Variants in THEMIS observed in about 807,000 individuals in gnomAD.
THEMIS encodes the protein protein THEMIS.
A neutral mutation model predicts 52.6 loss-of-function variants in THEMIS; 37 were observed. That is an observed-to-expected ratio of 0.70 (90% confidence interval 0.54 to 0.93). The LOEUF (loss-of-function observed/expected upper bound fraction) is 0.93, where lower values mean the gene tolerates loss of function less well. THEMIS is among the 40% of genes least tolerant of loss of function. The pLI is 0.00. For missense variants in THEMIS, 808 were observed against 763.1 expected, an observed-to-expected ratio of 1.06 and a Z score of -0.69; for synonymous variants, 292 against 272.7, an observed-to-expected ratio of 1.07 and a Z score of -0.70.
chr6:127,762,754 A>T (rs1352201077), intron 4 of THEMIS, among the ~76,000 whole-genome samples: 2 of 152,086 alleles, frequency 1.3e-5, no homozygotes, highest in Admixed American at 1.3e-4. Context: ...TGCACTGAAA[A>T]CTATAATTAG....
chr6:127,911,356 T>G (rs1380595564), intron 1 of THEMIS, among the ~76,000 whole-genome samples: 2 of 150,688 alleles, frequency 1.3e-5, no homozygotes, highest in African/African-American at 5.0e-5. Context: ...CTTCATTTAT[T>G]TATTTATTTA....
Position 127,854,990 on chromosome 6 carries a change from T to C in THEMIS, c.250+40A>G, listed in dbSNP as rs781484670. ...GTGTATATATACATATTAATAACAA[T>C]ATAGTTGTACAAATGATAAGTGGTT... On this transcript the variant is annotated intron_variant, in intron 2 of 5. Coordinates refer to ENST00000368248, the MANE Select transcript of THEMIS (RefSeq NM_001010923.3). 7.1e-6 allele frequency: 11 copies of C among 1,546,764 alleles called. No homozygotes were observed. In the East Asian group the frequency reaches 1.8e-4, roughly 26 times the overall value.
intron 2 of THEMIS, among the ~76,000 whole-genome samples, chr6:127,836,866 A>G (rs117329870): frequency 6.6e-6 from 1 of 152,082 alleles, no homozygotes; most frequent in Non-Finnish European, 1.5e-5. Flanking sequence ...TTGACCTGGT[A>G]CCTGGTCAGC....
chr6:127,854,538 G>C (rs757450616), intron 2 of THEMIS, among the ~76,000 whole-genome samples: 18 of 151,702 alleles, frequency 1.2e-4, no homozygotes, highest in Non-Finnish European at 2.5e-4. Flanking sequence ...CATGATATTT[G>C]AGCTAGTTTT....
chr6:127,706,463 A>T (rs1020548301), downstream of THEMIS, among the ~76,000 whole-genome samples: 5 of 152,088 alleles, frequency 3.3e-5, no homozygotes, highest in African/African-American at 1.2e-4. Context: ...GAGTTCTCAT[A>T]TTCCTAACTT....
intron 4 of THEMIS, among the ~76,000 whole-genome samples, chr6:127,769,352 GTT>G (rs200806423): frequency 1.4e-5 from 2 of 139,980 alleles, no homozygotes; most frequent in Admixed American, 7.2e-5. Flanking sequence ...GTTTTTTTTT[GTT>G]TTTTTTTTTT....
chr6:127,704,943 G>C (rs987953787), downstream of THEMIS, among the ~76,000 whole-genome samples: 2 of 152,218 alleles, frequency 1.3e-5, no homozygotes, highest in Non-Finnish European at 2.9e-5. Context: ...TGTTGCACTA[G>C]AGCCTCACTT....
chr6:127,907,262 G>A (rs1177376578), intron 1 of THEMIS, among the ~76,000 whole-genome samples: 1 of 147,512 alleles, frequency 6.8e-6, no homozygotes, highest in Admixed American at 6.8e-5. Context: ...GTCATTGAAA[G>A]GTTTACAGCA....
chr6:127,902,333 A>AAAT (rs1275057371), upstream of THEMIS, among the ~76,000 whole-genome samples: 2 of 149,810 alleles, frequency 1.3e-5, no homozygotes, highest in East Asian at 1.9e-4. Flanking sequence ...TCAAAAAAAA[A>AAAT]AAAAAAAAAA....
At position 127,757,513 on chromosome 6, in the gene THEMIS, C is replaced by T. The variant is rs550146501; in HGVS notation, c.1759-37690G>A. On this transcript the variant is annotated intron_variant, in intron 4 of 5. Coordinates refer to ENST00000368248, the MANE Select transcript of THEMIS (RefSeq NM_001010923.3). ...TTTTTTCTTTTTTGAGACGGAGTCT[C>T]GCTTTGTCGCCCAGGCTGGAGTGCA... 1.1e-3 allele frequency among the ~76,000 whole-genome samples: 166 copies of T among 151,468 alleles called. 1 individual carries two copies. Among genetic ancestry groups the T allele is most frequent in the African/African-American group, 3.8e-3 (157 of 41,260 alleles).
At chr6:127,872,845 A>G (rs2114390722) in intron 1 of THEMIS, among the ~76,000 whole-genome samples, 1 of 152,272 alleles carries the variant, frequency 6.6e-6, no homozygotes, top group African/African-American at 2.4e-5. Context: ...AAAAAATAAA[A>G]CAGTCCCTGT....
Position 127,767,620 on chromosome 6 carries a change from G to T in THEMIS, c.1758+45263C>A, listed in dbSNP as rs541007588. On this transcript the variant is annotated intron_variant, in intron 4 of 5. Transcript: ENST00000368248. Reference sequence around the variant, plus strand: ...CAACTCCTTTGGTAACAATGCCTTTGTTTGGAATACTTCCAAAAGGACCTA... The same window carrying T: ...CAACTCCTTTGGTAACAATGCCTTTTTTTGGAATACTTCCAAAAGGACCTA... 1.4e-4 allele frequency among the ~76,000 whole-genome samples: 22 copies of T among 152,048 alleles called. 1 individual carries two copies. In the East Asian group the frequency reaches 3.7e-3, roughly 25 times the overall value.
At chr6:127,761,607 T>C (rs1448667400) in intron 4 of THEMIS, among the ~76,000 whole-genome samples, 2 of 152,146 alleles carry the variant, frequency 1.3e-5, no homozygotes, top group Non-Finnish European at 1.5e-5. Context: ...ACCCCTGCTA[T>C]ACAGGACCTG....
upstream of THEMIS, among the ~76,000 whole-genome samples, chr6:127,902,337 A>AAT (rs1554248902): frequency 3.8e-4 from 56 of 148,066 alleles, no homozygotes; most frequent in African/African-American, 8.4e-4. Flanking sequence ...AAAAAAAAAA[A>AAT]AAAAAAAATA....
chr6:127,704,973 A>G (rs1259927978), downstream of THEMIS, among the ~76,000 whole-genome samples: 1 of 152,240 alleles, frequency 6.6e-6, no homozygotes, highest in Non-Finnish European at 1.5e-5. Flanking sequence ...TCTGAAAGAC[A>G]ATGGTGAAGT....
intron 2 of THEMIS, among the ~76,000 whole-genome samples, chr6:127,847,527 T>C (rs2114714627): frequency 6.6e-6 from 1 of 151,978 alleles, no homozygotes; most frequent in Non-Finnish European, 1.5e-5. Context: ...ACGCAATCCC[T>C]TCACAATAGC....
chr6:127,907,337 A>ATTTTTTTGTTT (rs1781298043), intron 1 of THEMIS, among the ~76,000 whole-genome samples: 1 of 49,448 alleles, frequency 2.0e-5, no homozygotes, highest in Admixed American at 2.8e-4. Flanking sequence ...TTAGGCTCGG[A>ATTTTTTTGTTT]TTTTTTTTTT....
intron 5 of THEMIS, among the ~76,000 whole-genome samples, chr6:127,717,140 A>G (rs1393765894): frequency 6.6e-6 from 1 of 151,804 alleles, no homozygotes; most frequent in African/African-American, 2.4e-5. Flanking sequence ...TTATAGCCTG[A>G]CTTCATTGTA....
chr6:127,752,057 A>T (rs1460563147), intron 4 of THEMIS, among the ~76,000 whole-genome samples: 1 of 151,764 alleles, frequency 6.6e-6, no homozygotes, highest in Non-Finnish European at 1.5e-5. Context: ...CCACTATTGA[A>T]CAGCCAATAG....
Sources: allele counts gnomAD v4.1 joint callset (sites outside exome capture counted in the v4.1 genomes callset), GRCh38; gene constraint gnomAD v4.1.1; transcripts MANE v1.5; gene names NCBI Gene and HGNC (gene_info 2026-07-23, HGNC 2026-07-21).